Variants in WASHC2A observed in about 807,000 individuals in gnomAD.
WASHC2A encodes WASH complex subunit 2A.
WASHC2A carries 82 observed loss-of-function variants against 140.3 expected under a neutral mutation model. The observed-to-expected ratio is 0.58, with a 90% CI of 0.49 to 0.70. WASHC2A has a LOEUF of 0.70. Among genes scored for constraint, WASHC2A ranks in the 30% least tolerant of loss-of-function variants. WASHC2A has a pLI of 0.00. For missense variants in WASHC2A, 985 were observed against 1,521.8 expected (o/e 0.65, Z 5.87); for synonymous variants, 340 against 560.8 (o/e 0.61, Z 5.56).
At chr10:50,103,578 T>C (rs1841451084) in intron 17 of WASHC2A, among the ~76,000 whole-genome samples, 1 of 151,488 alleles carries the variant, frequency 6.6e-6, no homozygotes. Context: ...GAAAAAGAAG[T>C]AAGTCATAAT....
intron 13 of WASHC2A, 110 bp downstream of exon 13, chr10:50,094,027 G>T: frequency 6.4e-7 from 1 of 1,573,452 alleles, no homozygotes; most frequent in Middle Eastern, 2.3e-4. Context: ...TGTTAAGCAG[G>T]AAGCTGTTGT....
intron 6 of WASHC2A, among the ~76,000 whole-genome samples, chr10:50,084,730 T>G (rs1467622814): frequency 3.2e-5 from 4 of 126,386 alleles, no homozygotes; most frequent in Non-Finnish European, 6.6e-5. Context: ...TGCCCGGCTG[T>G]TTTTCTTTCT....
At chr10:50,117,544 T>G (rs1842764323) in intron 21 of WASHC2A, among the ~76,000 whole-genome samples, 1 of 143,940 alleles carries the variant, frequency 6.9e-6, no homozygotes, top group African/African-American at 2.5e-5. Context: ...GTGTTTTGTT[T>G]TAGCAAGACA....
chr10:50,086,787 A>G (rs2132497475), intron 7 of WASHC2A, among the ~76,000 whole-genome samples: 1 of 116,134 alleles, frequency 8.6e-6, no homozygotes, highest in South Asian at 3.4e-4. Flanking sequence ...ATCATTTTTT[A>G]TGGCTGCATA....
In WASHC2A at chr10:50,121,066, A is replaced by G. The variant is rs1303183558; in HGVS notation, c.2478+1297A>G. On this transcript the variant is annotated intron_variant, in intron 23 of 30. Coordinates refer to ENST00000282633, the MANE Select transcript of WASHC2A (RefSeq NM_001005751.3). ...ATGGTGAAAGACTGCATGCTTTTCA[A>G]CCCTAACATCATGAACAACACAACA... 2.0e-5 allele frequency among the ~76,000 whole-genome samples: 3 copies of G among 148,702 alleles called. No homozygotes were observed. In the South Asian group the frequency reaches 6.3e-4, roughly 31 times the overall value.
chr10:50,098,407 C>T (rs1164774751), intron 16 of WASHC2A, among the ~76,000 whole-genome samples: 1 of 149,586 alleles, frequency 6.7e-6, no homozygotes, highest in Non-Finnish European at 1.5e-5. Flanking sequence ...AGAGTGCAAC[C>T]TGCAATCTAG....
Position 50,068,015 on chromosome 10 carries a change from G to A in WASHC2A, c.3+7G>A. On this transcript the variant is annotated splice_region_variant and intron_variant, in intron 1 of 30. Coordinates refer to ENST00000282633, the MANE Select transcript of WASHC2A (RefSeq NM_001005751.3). ...GAGCCGGGCGGCTAGGATGGTGAGG[G>A]CGCCGGGCAGGAGAGAGGCCGGCCT... 1 of 1,607,658 alleles carries A rather than the reference G, an allele frequency of 6.2e-7. No individual in the cohort carries two copies. Among genetic ancestry groups the A allele is most frequent in the African/African-American group, 1.3e-5 (1 of 74,930 alleles).
chr10:50,084,161 T>C lies in WASHC2A; in HGVS notation c.618T>C (p.Ser206=). ...QEDVGLGELS[S]EEGSVGSDRG... ...ATGTAGGTCTTGGAGAGCTGTCCAGTGAAGGTACTTTTCTTCACCAAATAA... is the reference window on the plus strand; with the variant it reads ...ATGTAGGTCTTGGAGAGCTGTCCAGCGAAGGTACTTTTCTTCACCAAATAA... Residue 206 remains serine, a synonymous_variant, in exon 6 of 31, where the codon AGT becomes AGC. Coordinates refer to ENST00000282633, the MANE Select transcript of WASHC2A (RefSeq NM_001005751.3). The C allele has an allele frequency of 1.2e-6, 2 of 1,611,484 alleles. No individual in the cohort carries two copies. The highest frequency in any genetic ancestry group is 1.1e-5 in the South Asian group (1 of 90,796).
At chr10:50,068,668 G>A (rs1196583668) in intron 2 of WASHC2A, among the ~76,000 whole-genome samples, 74 of 149,506 alleles carry the variant, frequency 4.9e-4, no homozygotes, top group African/African-American at 1.7e-3. Context: ...AATAAGAGTG[G>A]TGGTTGATTA....
At chr10:50,102,935 T>C (rs1589230323) in intron 17 of WASHC2A, among the ~76,000 whole-genome samples, 1 of 151,846 alleles carries the variant, frequency 6.6e-6, no homozygotes, top group East Asian at 1.9e-4. Context: ...GGTGGGATCT[T>C]GGCTCACTGC....
At chr10:50,072,689 C>T (rs1475141544) in intron 3 of WASHC2A, among the ~76,000 whole-genome samples, 18 of 151,982 alleles carry the variant, frequency 1.2e-4, no homozygotes, top group Non-Finnish European at 2.2e-4. Context: ...GGGGTTTCAC[C>T]GTGTTAGCCA....
At chr10:50,109,930 C>T (rs1483176513) in intron 19 of WASHC2A, among the ~76,000 whole-genome samples, 171 bp from the exon 20 acceptor site, 11 of 151,396 alleles carry the variant, frequency 7.3e-5, no homozygotes, top group South Asian at 4.2e-4. Flanking sequence ...CCACCACGCC[C>T]GGCTAATTTT....
Position 50,126,248 on chromosome 10 carries a change from G to C in WASHC2A, c.2811+69G>C, listed in dbSNP as rs536045363. The C allele has an allele frequency of 1.4e-5, 23 of 1,610,480 alleles. No homozygotes were observed. The African/African-American group carries it at 2.0e-4, about 14-fold the overall frequency. The stretch of plus-strand genomic sequence containing the variant: ...CAGTACAGAGAAATTCCATTATGCA[G>C]ACCCACAGTTATTCAGACTTGTCTG... On this transcript the variant is annotated intron_variant, in intron 26 of 30. Coordinates refer to ENST00000282633, the MANE Select transcript of WASHC2A (RefSeq NM_001005751.3).
chr10:50,095,784 T>G lies in WASHC2A; in HGVS notation c.1420+6T>G. ...CAGCAAACCTTCTAAAACAGGTATG[T>G]GTTCCTGCCTCCGTTTCTAGGACTT... On this transcript the variant is annotated splice_donor_region_variant and intron_variant, in intron 15 of 30. Coordinates refer to ENST00000282633, the MANE Select transcript of WASHC2A (RefSeq NM_001005751.3). 1 of 1,602,458 alleles carries G rather than the reference T, an allele frequency of 6.2e-7. No homozygotes were observed. Among genetic ancestry groups the G allele is most frequent in the Non-Finnish European group, 8.5e-7 (1 of 1,175,074 alleles).
intron 28 of WASHC2A, among the ~76,000 whole-genome samples, 163 bp downstream of exon 28, chr10:50,127,958 C>G (rs1238613696): frequency 1.3e-5 from 2 of 152,154 alleles, no homozygotes; most frequent in African/African-American, 2.4e-5. Flanking sequence ...TCCCCACCCC[C>G]CTCATCCTGC....
chr10:50,097,831 A>G (rs1403042351), intron 16 of WASHC2A, 29 bp downstream of exon 16: 2 of 1,611,358 alleles, frequency 1.2e-6, no homozygotes, highest in African/African-American at 2.7e-5. Context: ...TTAACGCAGG[A>G]GCATTGATCT....
intron 4 of WASHC2A, among the ~76,000 whole-genome samples, chr10:50,079,521 C>T (rs1277599251): frequency 0.038 from 5,842 of 152,268 alleles, 376 homozygotes; most frequent in African/African-American, 0.13. Flanking sequence ...CTCAGCTTCC[C>T]GAGTAGCTGG....
intron 17 of WASHC2A, among the ~76,000 whole-genome samples, chr10:50,102,083 T>C (rs1463531734): frequency 1.3e-5 from 2 of 152,224 alleles, no homozygotes; most frequent in Non-Finnish European, 2.9e-5. Flanking sequence ...GGAGAGGCCA[T>C]AGGCTCCCCT....
chr10:50,072,113 T>C (rs1837887896), intron 3 of WASHC2A, among the ~76,000 whole-genome samples: 1 of 144,148 alleles, frequency 6.9e-6, no homozygotes. Flanking sequence ...GGTTTCACCA[T>C]GTTGGTGAGT....
Sources: allele counts gnomAD v4.1 joint callset (sites outside exome capture counted in the v4.1 genomes callset), GRCh38; gene constraint gnomAD v4.1.1; transcripts MANE v1.5; gene names NCBI Gene and HGNC (gene_info 2026-07-23, HGNC 2026-07-21).